The following CNTN6 variants were observed in gnomAD, a reference collection of about 807,000 sequenced individuals.
CNTN6 encodes the protein contactin-6.
Under a neutral mutation model 122.8 loss-of-function variants are expected in CNTN6, and 137 were observed. That is an observed-to-expected ratio of 1.12 (90% CI 0.97 to 1.29). The LOEUF (loss-of-function observed/expected upper bound fraction) is 1.29. CNTN6 is among the 50% of genes most tolerant of loss of function. The pLI, the probability that CNTN6 is intolerant of heterozygous loss-of-function variation, is 0.00. For synonymous variants in CNTN6, 570 were observed against 426.0 expected (o/e 1.34, Z -4.16); for missense variants, 1,634 against 1,223.4 (o/e 1.34, Z -5.01).
chr3:1,215,624 AG>A (rs1194505937), intron 2 of CNTN6, among the ~76,000 whole-genome samples: 1 of 151,864 alleles, frequency 6.6e-6, no homozygotes, highest in Non-Finnish European at 1.5e-5. Context: ...GGAATTCCCC[AG>A]GTTTTCTTGA....
At chr3:1,286,493 G>A (rs1005018026) in intron 5 of CNTN6, among the ~76,000 whole-genome samples, 9 of 151,916 alleles carry the variant, frequency 5.9e-5, no homozygotes, top group Non-Finnish European at 1.0e-4. Context: ...TGATGGTTTC[G>A]AGCTTCATCC....
chr3:1,145,360 T>C (rs930503355), intron 1 of CNTN6, among the ~76,000 whole-genome samples: 5 of 152,170 alleles, frequency 3.3e-5, no homozygotes, highest in Admixed American at 6.6e-5. Flanking sequence ...AATGACCTGG[T>C]CATATGCTTG....
intron 4 of CNTN6, among the ~76,000 whole-genome samples, chr3:1,247,296 C>A (rs1416166788): frequency 6.6e-6 from 1 of 152,018 alleles, no homozygotes; most frequent in East Asian, 1.9e-4. Context: ...CAGTGCCATT[C>A]CTAAAGGGAA....
At chr3:1,384,324 C>CTCAA (rs1448083057) in intron 19 of CNTN6, among the ~76,000 whole-genome samples, 1 of 151,930 alleles carries the variant, frequency 6.6e-6, no homozygotes, top group African/African-American at 2.4e-5. Context: ...AAGTCTGCTC[C>CTCAA]TCAATCATCT....
At chr3:1,375,402 G>A (rs1397874946) in intron 16 of CNTN6, among the ~76,000 whole-genome samples, 1 of 151,946 alleles carries the variant, frequency 6.6e-6, no homozygotes, top group Non-Finnish European at 1.5e-5. Context: ...TGAGTCTCTC[G>A]TCTCTCCCTC....
intron 1 of CNTN6, among the ~76,000 whole-genome samples, chr3:1,109,982 C>T (rs534037849): frequency 6.6e-6 from 1 of 152,172 alleles, no homozygotes; most frequent in South Asian, 2.1e-4. Flanking sequence ...AACTACCCAT[C>T]GATCTTATCT....
intron 12 of CNTN6, among the ~76,000 whole-genome samples, chr3:1,354,650 C>T (rs1297801223): frequency 6.6e-6 from 1 of 151,390 alleles, no homozygotes; most frequent in African/African-American, 2.4e-5. Flanking sequence ...TAGAACATTG[C>T]TGGGAACTGT....
At chr3:1,276,437 T>C (rs1692376538) in intron 4 of CNTN6, among the ~76,000 whole-genome samples, 2 of 152,216 alleles carry the variant, frequency 1.3e-5, no homozygotes, top group Non-Finnish European at 2.9e-5. Flanking sequence ...TGCTGTATTA[T>C]TAGATTATTT....
At chr3:1,259,748 AT>A (rs1432653194) in intron 4 of CNTN6, among the ~76,000 whole-genome samples, 2 of 152,128 alleles carry the variant, frequency 1.3e-5, no homozygotes, top group Non-Finnish European at 2.9e-5. Flanking sequence ...CTAGCTCTAT[AT>A]CTACATCAAA....
intron 17 of CNTN6, among the ~76,000 whole-genome samples, chr3:1,379,762 C>T (rs1710391004): frequency 6.6e-6 from 1 of 151,972 alleles, no homozygotes; most frequent in Admixed American, 6.6e-5. Flanking sequence ...AAATCGGTTT[C>T]CCATTTATCA....
rs1176912578 is a variant in CNTN6, at chr3:1,245,206, A to ATGT, written c.358+17214_358+17215insGTT. Among the ~76,000 whole-genome samples, 6 of 8,838 alleles carry ATGT rather than the reference A, an allele frequency of 6.8e-4. 1 individual carries two copies. Among genetic ancestry groups the ATGT allele is most frequent in the Admixed American group, 1.3e-3 (1 of 754 alleles). 5.8% of individuals were successfully genotyped at this position (8,838 alleles called of 152,430 possible). A position where few individuals can be genotyped will look rare whatever the true frequency, so the allele number is the denominator to read the frequency against. On this transcript the variant is annotated intron_variant, in intron 4 of 22. Transcript: ENST00000446702. Reference sequence around the variant, plus strand: ...AGGGTAAAGAAAATGTGATATATATATATATATATATATATATATATATAT... The same window carrying ATGT: ...AGGGTAAAGAAAATGTGATATATATATGTTATATATATATATATATATATATAT...
At position 1,160,981 on chromosome 3, in the gene CNTN6, A is replaced by G. The variant is rs542793537; in HGVS notation, c.55+12918A>G. ...CCAAATTATTTTAGAATATTTTCCT[A>G]TTACTTATGGTCTTGAGGTTGTTCA... On this transcript the variant is annotated intron_variant, in intron 2 of 22. Transcript: ENST00000446702. Among the ~76,000 whole-genome samples, 12 of 152,086 alleles carry G rather than the reference A, an allele frequency of 7.9e-5. No homozygotes were observed. In the East Asian group the frequency reaches 2.1e-3, roughly 27 times the overall value.
At chr3:1,376,583 A>T (rs1481765402) in intron 16 of CNTN6, among the ~76,000 whole-genome samples, 1 of 152,070 alleles carries the variant, frequency 6.6e-6, no homozygotes, top group East Asian at 1.9e-4. Flanking sequence ...TATCCTGATG[A>T]CTAATAAAAG....
At chr3:1,123,360 A>T (rs1322385329) in intron 1 of CNTN6, among the ~76,000 whole-genome samples, 1 of 151,770 alleles carries the variant, frequency 6.6e-6, no homozygotes, top group African/African-American at 2.4e-5. Flanking sequence ...CAAGTCTTTC[A>T]CTTTCTCTGT....
At chr3:1,396,363 C>G (rs75297763) in intron 20 of CNTN6, among the ~76,000 whole-genome samples, 3,675 of 152,166 alleles carry the variant, frequency 0.024, 93 homozygotes, top group Non-Finnish European at 0.036. Context: ...TTGCGTTTTT[C>G]TAAGAATTCC....
chr3:1,205,192 G>C (rs2093942060), intron 2 of CNTN6, among the ~76,000 whole-genome samples: 1 of 152,098 alleles, frequency 6.6e-6, no homozygotes, highest in Non-Finnish European at 1.5e-5. Context: ...TATAAGGCAA[G>C]GAAACAGATT....
At chr3:1,263,423 C>T (rs773507310) in intron 4 of CNTN6, among the ~76,000 whole-genome samples, 9 of 152,112 alleles carry the variant, frequency 5.9e-5, no homozygotes, top group African/African-American at 9.7e-5. Context: ...TGACCAGACT[C>T]AGTTGGTTGT....
chr3:1,267,246 T>C (rs2094941371), intron 4 of CNTN6, among the ~76,000 whole-genome samples: 3 of 152,056 alleles, frequency 2.0e-5, no homozygotes, highest in African/African-American at 7.2e-5. Flanking sequence ...TCACTTTTTT[T>C]CCCTCTCCCA....
At chr3:1,205,202 T>A (rs763612672) in intron 2 of CNTN6, among the ~76,000 whole-genome samples, 13 of 152,126 alleles carry the variant, frequency 8.5e-5, no homozygotes, top group Non-Finnish European at 1.8e-4. Context: ...GGAAACAGAT[T>A]TCACTCCAGA....
Sources: allele counts gnomAD v4.1 joint callset (sites outside exome capture counted in the v4.1 genomes callset), GRCh38; gene constraint gnomAD v4.1.1; transcripts MANE v1.5; gene names NCBI Gene and HGNC (gene_info 2026-07-23, HGNC 2026-07-21).